ADAMTS6: variants seen among roughly 807,000 people sequenced by gnomAD.
ADAMTS6 encodes ADAM metallopeptidase with thrombospondin type 1 motif 6, also known as A disintegrin and metalloproteinase with thrombospondin motifs 6.
A neutral mutation model predicts 144.3 loss-of-function variants in ADAMTS6; 23 were observed. The observed-to-expected ratio is 0.16, with a 90% CI of 0.11 to 0.23. ADAMTS6 has a LOEUF of 0.23. ADAMTS6 is among the 10% of genes least tolerant of loss of function. The pLI, the probability that ADAMTS6 is intolerant of heterozygous loss-of-function variation, is 1.00. For synonymous variants in ADAMTS6, 444 were observed against 457.5 expected (o/e 0.97, Z 0.38); for missense variants, 999 against 1,379.6 (o/e 0.72, Z 4.37).
chr5:65,200,053 T>A (rs995847592), intron 20 of ADAMTS6, among the ~76,000 whole-genome samples: 1 of 152,194 alleles, frequency 6.6e-6, no homozygotes, highest in Non-Finnish European at 1.5e-5. Flanking sequence ...TCTTCTAGAA[T>A]GTTATATTAG....
intron 15 of ADAMTS6, among the ~76,000 whole-genome samples, chr5:65,239,857 C>A (rs1266203279): frequency 6.6e-6 from 1 of 152,150 alleles, no homozygotes; most frequent in Non-Finnish European, 1.5e-5. Flanking sequence ...CAAATATTGA[C>A]AAGGATGCAC....
intron 7 of ADAMTS6, among the ~76,000 whole-genome samples, chr5:65,384,332 G>T (rs1752305485): frequency 6.6e-6 from 1 of 151,932 alleles, no homozygotes. Context: ...TTACTATAAG[G>T]AGTCAAGAGA....
Position 65,458,171 on chromosome 5 carries a change from G to C in ADAMTS6, c.631+1999C>G, listed in dbSNP as rs571113912. Among the ~76,000 whole-genome samples, 118 of 151,994 alleles carry C rather than the reference G, an allele frequency of 7.8e-4. 1 individual carries two copies. Among genetic ancestry groups the C allele is most frequent in the Non-Finnish European group, 1.4e-3 (96 of 68,014 alleles). On this transcript the variant is annotated intron_variant, in intron 4 of 24. Transcript: ENST00000381055. ...CCTTTTGTTTTAATTATTAACTATG[G>C]AATTTAATTTCATGTTTTAAGTAGA...
At chr5:65,159,087 T>C (rs2111983182) in intron 24 of ADAMTS6, among the ~76,000 whole-genome samples, 1 of 152,280 alleles carries the variant, frequency 6.6e-6, no homozygotes, top group Admixed American at 6.5e-5. Context: ...AACGCCTCCA[T>C]ATCTCTCATC....
At chr5:65,412,531 T>C (rs1755137621) in intron 7 of ADAMTS6, among the ~76,000 whole-genome samples, 2 of 152,136 alleles carry the variant, frequency 1.3e-5, no homozygotes, top group African/African-American at 4.8e-5. Context: ...GTATTACTCT[T>C]ACCTTGACAG....
intron 7 of ADAMTS6, among the ~76,000 whole-genome samples, chr5:65,347,178 C>T (rs1298935795): frequency 1.3e-5 from 2 of 151,250 alleles, no homozygotes; most frequent in African/African-American, 2.4e-5. Flanking sequence ...ACATTTTTCA[C>T]AGAAATAGAA....
At chr5:65,178,192 A>G (rs1168425519) in intron 22 of ADAMTS6, among the ~76,000 whole-genome samples, 1 of 152,152 alleles carries the variant, frequency 6.6e-6, no homozygotes, top group African/African-American at 2.4e-5. Flanking sequence ...TGGCACTTGT[A>G]TTTTAGTCCA....
intron 11 of ADAMTS6, among the ~76,000 whole-genome samples, chr5:65,290,546 G>C (rs1393969579): frequency 7.1e-6 from 1 of 141,132 alleles, no homozygotes; most frequent in African/African-American, 2.6e-5. Context: ...GCGAGACTCT[G>C]TCTCAAAAAA....
intron 22 of ADAMTS6, among the ~76,000 whole-genome samples, chr5:65,184,578 C>T (rs1279698399): frequency 6.6e-6 from 1 of 152,110 alleles, no homozygotes; most frequent in Non-Finnish European, 1.5e-5. Flanking sequence ...TCAAATAAAC[C>T]ATTTTGATAC....
At chr5:65,448,250 G>C (rs972583877) in intron 7 of ADAMTS6, among the ~76,000 whole-genome samples, 1 of 151,974 alleles carries the variant, frequency 6.6e-6, no homozygotes, top group Non-Finnish European at 1.5e-5. Flanking sequence ...TGATCTGATA[G>C]CTTTGCGGAT....
At chr5:65,162,904 GT>G (rs1752873241) in intron 24 of ADAMTS6, among the ~76,000 whole-genome samples, 1 of 152,100 alleles carries the variant, frequency 6.6e-6, no homozygotes, top group East Asian at 1.9e-4. Flanking sequence ...ATTTTGTTCT[GT>G]TTTGTTTTGG....
chr5:65,345,165 A>C (rs1478431133), intron 7 of ADAMTS6, among the ~76,000 whole-genome samples: 1 of 151,820 alleles, frequency 6.6e-6, no homozygotes. Context: ...TAGAAAGATT[A>C]TATCAGCTTA....
At chr5:65,211,321 G>A (rs1756517259) in intron 20 of ADAMTS6, among the ~76,000 whole-genome samples, 1 of 152,208 alleles carries the variant, frequency 6.6e-6, no homozygotes, top group Non-Finnish European at 1.5e-5. Context: ...AAGCAAGATG[G>A]CTGGGTGCAG....
intron 9 of ADAMTS6, among the ~76,000 whole-genome samples, chr5:65,320,989 T>C (rs1036010739): frequency 6.6e-6 from 1 of 152,202 alleles, no homozygotes; most frequent in Non-Finnish European, 1.5e-5. Flanking sequence ...TTTGCTATTG[T>C]GCATAGGGCT....
chr5:65,275,409 AAG>A (rs1377245414), intron 11 of ADAMTS6, among the ~76,000 whole-genome samples: 12 of 144,662 alleles, frequency 8.3e-5, no homozygotes, highest in African/African-American at 3.0e-4. Context: ...GAAAGAAAGA[AAG>A]AAAGAAAAGA....
intron 8 of ADAMTS6, among the ~76,000 whole-genome samples, chr5:65,332,411 T>C (rs1276951293): frequency 6.6e-6 from 1 of 151,370 alleles, no homozygotes; most frequent in East Asian, 1.9e-4. Context: ...AGAAAAATAC[T>C]AGCTCTGGCT....
chr5:65,249,151 T>C (rs906027750), intron 14 of ADAMTS6, among the ~76,000 whole-genome samples: 1 of 152,084 alleles, frequency 6.6e-6, no homozygotes, highest in African/African-American at 2.4e-5. Flanking sequence ...ATTGCCTCTC[T>C]AAAAGTGATA....
At chr5:65,400,838 G>A (rs139295678) in intron 7 of ADAMTS6, among the ~76,000 whole-genome samples, 7 of 152,132 alleles carry the variant, frequency 4.6e-5, no homozygotes, top group Non-Finnish European at 7.4e-5. Context: ...CTACTAATAA[G>A]CCCATCAAGG....
chr5:65,172,732 C>G, intron 23 of ADAMTS6, 100 bp downstream of exon 23: 1 of 1,375,174 alleles, frequency 7.3e-7, no homozygotes, highest in Non-Finnish European at 9.9e-7. Context: ...CGTGTTAATT[C>G]TTACTCATCT....
Sources: gnomAD v4.1 joint callset for allele counts (sites outside exome capture counted in the v4.1 genomes callset) on GRCh38, gnomAD v4.1.1 for gene constraint, MANE v1.5 for transcripts, NCBI Gene and HGNC (gene_info 2026-07-23, HGNC 2026-07-21) for gene names.